ABCG5: variants seen among roughly 807,000 people sequenced by gnomAD.
The protein encoded by ABCG5 is ATP binding cassette subfamily G member 5.
ABCG5 carries 64 observed loss-of-function variants against 64.5 expected under a neutral mutation model. The ratio of observed to expected loss-of-function variants is 0.99; its 90% confidence interval spans 0.81 to 1.22. The LOEUF is 1.22. Among genes scored for constraint, ABCG5 ranks in the 50% most tolerant of loss-of-function variants. The pLI, the probability that ABCG5 is intolerant of heterozygous loss-of-function variation, is 0.00. For missense variants in ABCG5, 908 were observed against 829.5 expected, an observed-to-expected ratio of 1.09 and a Z score of -1.16; for synonymous variants, 385 against 326.3, an observed-to-expected ratio of 1.18 and a Z score of -1.94.
Position 43,822,479 on chromosome 2 carries a change from C to CCT in ABCG5, c.1463+317_1463+318insAG. The CCT allele has an allele frequency of 4.5e-6, 3 of 668,686 alleles. 1 individual carries two copies. The highest frequency in any genetic ancestry group is 5.4e-6 in the Non-Finnish European group (3 of 550,502). 41.4% of individuals were successfully genotyped at this position (668,686 alleles called of 1,614,324 possible). A position where few individuals can be genotyped will look rare whatever the true frequency, so the allele number is the denominator to read the frequency against. On this transcript the variant is annotated intron_variant, in intron 10 of 12. Coordinates refer to ENST00000405322, the MANE Select transcript of ABCG5 (RefSeq NM_022436.3). ...AGGCTGCTTTCTCCCCTCCCCCAGG[C>CCT]CCCCCCCCATGCACCTGGGTCCTAG...
chr2:43,824,362 T>C lies in ABCG5; in HGVS notation c.975A>G (p.Ile325Met), dbSNP rs1296464024. ...EIETSKRVQM[I>M]ESAYKKSAIC... Reference sequence around the variant, plus strand: ...TTGCTGATTTCTTGTAGGCAGATTCTATCATCTGGACTCTCTTGGAGGTTT... The same window carrying C: ...TTGCTGATTTCTTGTAGGCAGATTCCATCATCTGGACTCTCTTGGAGGTTT... Residue 325 changes from isoleucine to methionine, a missense_variant, in exon 8 of 13, where the codon ATA becomes ATG. Ile to Met is a conservative substitution (Grantham distance 10). Transcript: ENST00000405322. The C allele has an allele frequency of 8.1e-6, 13 of 1,614,112 alleles. No individual in the cohort carries two copies. The highest frequency in any genetic ancestry group is 1.1e-5 in the Non-Finnish European group (13 of 1,180,056).
At chr2:43,824,514 C>G in intron 7 of ABCG5, 82 bp from the exon 8 acceptor site, 1 of 1,597,848 alleles carries the variant, frequency 6.3e-7, no homozygotes, top group Non-Finnish European at 8.5e-7. Context: ...TACAGGAGTA[C>G]TGGCCATAAT....
At chr2:43,833,414 G>A (rs1213745272) in intron 2 of ABCG5, among the ~76,000 whole-genome samples, 1 of 148,670 alleles carries the variant, frequency 6.7e-6, no homozygotes, top group East Asian at 2.0e-4. Context: ...ACGAAGTATC[G>A]CTCTGTTGCC....
Position 43,834,281 on chromosome 2 carries a change from G to T in ABCG5, c.266-2198C>A, listed in dbSNP as rs549411720. On this transcript the variant is annotated intron_variant, in intron 2 of 12. Coordinates refer to ENST00000405322, the MANE Select transcript of ABCG5 (RefSeq NM_022436.3). ...TTTGGATCCAATCTGAACTCTGGCA[G>T]AAGCTGCAAATATCCTGCAGCCTGG... Among the ~76,000 whole-genome samples, 6 of 152,302 alleles carry T rather than the reference G, an allele frequency of 3.9e-5. No homozygotes were observed. The South Asian group carries it at 1.2e-3, about 32-fold the overall frequency.
downstream of ABCG5, among the ~76,000 whole-genome samples, chr2:43,807,568 TA>T (rs1250255600): frequency 6.6e-6 from 1 of 151,900 alleles, no homozygotes; most frequent in Non-Finnish European, 1.5e-5. Context: ...GCCTCTCAAG[TA>T]GCTGGGACTA....
Position 43,837,841 on chromosome 2 carries a change from T to A in ABCG5, c.258A>T (p.Gly86=), listed in dbSNP as rs750420979. 7.4e-6 allele frequency: 12 copies of A among 1,613,726 alleles called. No homozygotes were observed. The highest frequency in any genetic ancestry group is 9.3e-6 in the Non-Finnish European group (11 of 1,179,850). ...VESGQIMCIL[G]SSGSGKTTLL... ...CCTCCTTCCCAAGCTTACCTGAGCT[T>A]CCTAGGATGCACATGATCTGCCCGC... Residue 86 remains glycine, a synonymous_variant, in exon 2 of 13, where the codon GGA becomes GGT. Transcript: ENST00000405322.
chr2:43,828,110 C>T lies in ABCG5; in HGVS notation c.507G>A (p.Glu169=). The T allele has an allele frequency of 1.2e-6, 2 of 1,614,026 alleles. No individual in the cohort carries two copies. The highest frequency in any genetic ancestry group is 1.7e-6 in the Non-Finnish European group (2 of 1,180,026). ...GNPGSFQKKV[E]AVMAELSLSH... ...TCAGACTCAGCTCTGCCATGACGGC[C>T]TCCACCTGCAGGAGACACAAATTAC... The change falls in exon 5 of 13, where the codon GAG becomes GAA. Residue 169 remains glutamate (E), a synonymous_variant. Transcript: ENST00000405322.
chr2:43,826,437 C>A lies in ABCG5; in HGVS notation c.719G>T (p.Arg240Leu). 6.2e-7 allele frequency: 1 copy of A among 1,614,062 alleles called. No individual in the cohort carries two copies. Among genetic ancestry groups the A allele is most frequent in the Non-Finnish European group, 8.5e-7 (1 of 1,180,022 alleles). ...QIVVLLVELA[R>L]RNRIVVLTIH... Reference sequence around the variant, plus strand: ...GGTGAGAACCACAATTCGGTTCCTGCGAGCCAGTTCCACCAGGAGGACGAC... The same window carrying A: ...GGTGAGAACCACAATTCGGTTCCTGAGAGCCAGTTCCACCAGGAGGACGAC... The change falls in exon 6 of 13, where the codon CGC becomes CTC. Residue 240 changes from arginine to leucine, a missense_variant. Arg to Leu is a moderately radical substitution (Grantham distance 102, BLOSUM62 -2). Coordinates refer to ENST00000405322, the MANE Select transcript of ABCG5 (RefSeq NM_022436.3).
intron 1 of ABCG5, 26 bp from the exon 2 acceptor site, chr2:43,837,981 A>C (rs1191023602): frequency 6.2e-7 from 1 of 1,613,212 alleles, no homozygotes; most frequent in Non-Finnish European, 8.5e-7. Context: ...CAGGAAGGCA[A>C]AGGCAGCTTG....
chr2:43,810,563 T>C, downstream of ABCG5: 4 of 959,866 alleles, frequency 4.2e-6, no homozygotes, highest in Non-Finnish European at 5.0e-6. Context: ...ATTTATTCTA[T>C]GTTCTTCCAT....
chr2:43,823,527 C>A (rs1667385596), intron 9 of ABCG5, among the ~76,000 whole-genome samples: 1 of 152,148 alleles, frequency 6.6e-6, no homozygotes, highest in Admixed American at 6.5e-5. Context: ...AAATTAGGTG[C>A]TGGCTGTCCT....
rs377076958 is a variant in ABCG5, at chr2:43,822,841, G to T, written c.1419C>A (p.Pro473=). 4.3e-6 allele frequency: 7 copies of T among 1,614,074 alleles called. No individual in the cohort carries two copies. Among genetic ancestry groups the T allele is most frequent in the Non-Finnish European group, 5.9e-6 (7 of 1,180,050 alleles). Residue 473 remains proline (P), a synonymous_variant, in exon 10 of 13, where the codon CCC becomes CCA. Transcript: ENST00000405322. ...MMLAYALHVL[P]FSVVATMIFS... ...AAATCATGGTGGCAACAACGCTGAA[G>T]GGGAGGACGTGCAGTGCATAGGCCA...
intron 11 of ABCG5, among the ~76,000 whole-genome samples, chr2:43,816,949 A>C (rs1666873367): frequency 6.6e-6 from 1 of 152,214 alleles, no homozygotes; most frequent in Non-Finnish European, 1.5e-5. Context: ...AGCAAAGCTA[A>C]TTTCCTTTGT....
At chr2:43,821,590 C>T (rs886717069) in intron 10 of ABCG5, among the ~76,000 whole-genome samples, 11 of 152,220 alleles carry the variant, frequency 7.2e-5, no homozygotes, top group African/African-American at 2.6e-4. Context: ...ATCTGGGGAC[C>T]CTATTCTCCC....
downstream of ABCG5, among the ~76,000 whole-genome samples, chr2:43,811,226 A>T (rs902873951): frequency 6.6e-6 from 1 of 152,190 alleles, no homozygotes; most frequent in Non-Finnish European, 1.5e-5. Context: ...CTGATGTGAC[A>T]TATATAATCT....
At chr2:43,838,937 C>A, upstream of ABCG5, 2 of 1,262,862 alleles carry the variant, frequency 1.6e-6, no homozygotes, top group Non-Finnish European at 2.2e-6. This position sits in a 1 kb window ranked among gnomAD's most constrained non-coding sequence, Gnocchi z 4.2. Context: ...AGAGACGGGC[C>A]CAGGGCAGGA....
chr2:43,820,165 T>C, intron 10 of ABCG5, 65 bp from the exon 11 acceptor site: 1 of 1,536,914 alleles, frequency 6.5e-7, no homozygotes, highest in Non-Finnish European at 8.8e-7. Context: ...ATACTGCACT[T>C]GCCTCTGTGA....
chr2:43,829,398 A>G (rs1667831475), intron 4 of ABCG5, among the ~76,000 whole-genome samples: 1 of 152,186 alleles, frequency 6.6e-6, no homozygotes, highest in African/African-American at 2.4e-5. Flanking sequence ...TGGGGACCCA[A>G]TTTATAACCC....
Position 43,838,399 on chromosome 2 carries a change from C to T in ABCG5, c.143+138G>A, listed in dbSNP as rs377334261. ...TTCCCAGCACAGCCCTTCTCCCTCT[C>T]CTCTCTCCACCCGATCCACTAAAGA... On this transcript the variant is annotated intron_variant, in intron 1 of 12. Transcript: ENST00000405322. The surrounding 1 kb of genome is among the most constrained non-coding windows in gnomAD (Gnocchi z 4.2). 98 of 808,404 alleles carry T rather than the reference C, an allele frequency of 1.2e-4. 1 individual carries two copies. The South Asian group carries it at 1.5e-3, about 13-fold the overall frequency. 50.1% of individuals were successfully genotyped at this position (808,404 alleles called of 1,614,324 possible).
Sources: gnomAD v4.1 joint callset for allele counts (sites outside exome capture counted in the v4.1 genomes callset) on GRCh38, gnomAD v4.1.1 for gene constraint, Gnocchi (gnomAD v3.1) non-coding constraint, MANE v1.5 for transcripts, NCBI Gene and HGNC (gene_info 2026-07-23, HGNC 2026-07-21) for gene names.